Variants in CAT observed in about 807,000 individuals in gnomAD.
The protein encoded by CAT is catalase.
A neutral mutation model predicts 59.0 loss-of-function variants in CAT; 43 were observed. The ratio of observed to expected loss-of-function variants is 0.73; its 90% CI spans 0.57 to 0.94. The LOEUF is 0.94. CAT is among the 40% of genes least tolerant of loss of function. The pLI, the probability that CAT is intolerant of heterozygous loss-of-function variation, is 0.00. For synonymous variants in CAT, 218 were observed against 230.9 expected (o/e 0.94, Z 0.51); for missense variants, 664 against 682.9 (o/e 0.97, Z 0.31).
rs751565206 is a variant in CAT at position 34,456,037 on chromosome 11, T to C, written c.738T>C (p.Ser246=). Residue 246 remains serine (S), a synonymous_variant, in exon 7 of 13, where the codon TCT becomes TCC. Coordinates refer to ENST00000241052, the MANE Select transcript of CAT (RefSeq NM_001752.4). The part of the protein sequence containing the change: ...YKTDQGIKNL[S]VEDAARLSQE... Reference sequence around the variant, plus strand: ...CTGACCAGGGCATCAAAAACCTTTCTGTTGAAGATGCGGCGAGACTTTCCC... The same window carrying C: ...CTGACCAGGGCATCAAAAACCTTTCCGTTGAAGATGCGGCGAGACTTTCCC... The C allele has an allele frequency of 6.2e-7, 1 of 1,614,142 alleles. No individual in the cohort carries two copies. The highest frequency in any genetic ancestry group is 8.5e-7 in the Non-Finnish European group (1 of 1,180,028).
intron 9 of CAT, among the ~76,000 whole-genome samples, chr11:34,461,825 C>G (rs145458612): frequency 3.3e-5 from 5 of 152,156 alleles, no homozygotes; most frequent in African/African-American, 1.2e-4. Flanking sequence ...TTTCTCTTTG[C>G]AGTTCTGCTG....
At chr11:34,461,486 A>G (rs1197576724) in intron 9 of CAT, 97 bp downstream of exon 9, 8 of 1,425,376 alleles carry the variant, frequency 5.6e-6, no homozygotes, top group South Asian at 3.4e-5. Context: ...CTGGCCCCGC[A>G]GGACCTCCTG....
Position 34,453,084 on chromosome 11 carries a change from A to G in CAT, c.481-6A>G, listed in dbSNP as rs377181789. 7 of 1,582,574 alleles carry G rather than the reference A, an allele frequency of 4.4e-6. No homozygotes were observed. The East Asian group carries it at 8.9e-5, about 20-fold the overall frequency. The stretch of plus-strand genomic sequence containing the variant: ...TTGGATTTTTTTCTCTCTTTTTTCT[A>G]TTTAGTTTCCATCTTTTATCCACAG... On this transcript the variant is annotated splice_polypyrimidine_tract_variant and splice_region_variant and intron_variant, in intron 4 of 12. Transcript: ENST00000241052.
chr11:34,465,581 A>C (rs1856705119), intron 10 of CAT, among the ~76,000 whole-genome samples: 1 of 152,208 alleles, frequency 6.6e-6, no homozygotes, highest in Non-Finnish European at 1.5e-5. Flanking sequence ...ATGAAAATTT[A>C]TTATGTGCTC....
chr11:34,455,540 A>G (rs1856578466), intron 6 of CAT, among the ~76,000 whole-genome samples: 1 of 152,032 alleles, frequency 6.6e-6, no homozygotes, highest in African/African-American at 2.4e-5. Flanking sequence ...TTAAAAAAAA[A>G]AAAAAAAGGA....
At chr11:34,445,614 C>G (rs188169593) in intron 1 of CAT, among the ~76,000 whole-genome samples, 40 of 149,466 alleles carry the variant, frequency 2.7e-4, no homozygotes, top group African/African-American at 9.6e-4. Flanking sequence ...TGGTGTGGGG[C>G]AGGGTAGAGA....
In CAT at chr11:34,449,196, C is replaced by G; in HGVS notation, c.71C>G (p.Ala24Gly). 6.2e-7 allele frequency: 1 copy of G among 1,614,032 alleles called. No individual in the cohort carries two copies. The highest frequency in any genetic ancestry group is 8.5e-7 in the Non-Finnish European group (1 of 1,179,874). The change falls in exon 2 of 13, where the codon GCT becomes GGT. Residue 24 changes from alanine (A) to glycine (G), a missense_variant. Physicochemically the swap from Ala to Gly is moderately conservative, Grantham distance 60. Coordinates refer to ENST00000241052, the MANE Select transcript of CAT (RefSeq NM_001752.4). Reference protein sequence around the residue: ...HWKEQRAAQKADVLTTGAGNP... With the variant: ...HWKEQRAAQKGDVLTTGAGNP... Reference sequence around the variant, plus strand: ...TTTCTTTCTGTGTTCCTGTAGAAAGCTGATGTCCTGACCACTGGAGCTGGT... The same window carrying G: ...TTTCTTTCTGTGTTCCTGTAGAAAGGTGATGTCCTGACCACTGGAGCTGGT...
chr11:34,469,101 G>A (rs1300390416), intron 11 of CAT, among the ~76,000 whole-genome samples: 2 of 152,210 alleles, frequency 1.3e-5, no homozygotes, highest in East Asian at 1.9e-4. Flanking sequence ...ATCGAGCTGA[G>A]TGAAGCCCTC....
At chr11:34,453,693 A>G (rs939687415) in intron 5 of CAT, 108 bp from the exon 6 acceptor site, 2 of 989,572 alleles carry the variant, frequency 2.0e-6, no homozygotes, top group Non-Finnish European at 1.6e-6. Flanking sequence ...ATTGGCTAGT[A>G]TGTTTTATGT....
chr11:34,468,183 C>T, intron 10 of CAT, 105 bp from the exon 11 acceptor site: 1 of 868,342 alleles, frequency 1.2e-6, no homozygotes, highest in Non-Finnish European at 2.0e-6. Flanking sequence ...TTCTTAACTT[C>T]TAAAGTTTTT....
At chr11:34,464,360 C>T (rs1856689143) in intron 10 of CAT, 125 bp downstream of exon 10, 1 of 1,016,772 alleles carries the variant, frequency 9.8e-7, no homozygotes, top group Non-Finnish European at 1.5e-6. Flanking sequence ...TCAAGGAAGA[C>T]TCATCTGTAA....
intron 1 of CAT, among the ~76,000 whole-genome samples, chr11:34,446,311 T>A (rs772424763): frequency 2.0e-5 from 3 of 152,218 alleles, no homozygotes; most frequent in Non-Finnish European, 4.4e-5. Flanking sequence ...TTGATCTAAC[T>A]GTTAGAGTGG....
chr11:34,441,981 T>C (rs1856396044), intron 1 of CAT, among the ~76,000 whole-genome samples: 1 of 152,178 alleles, frequency 6.6e-6, no homozygotes, highest in Non-Finnish European at 1.5e-5. Flanking sequence ...TCATCAGCAG[T>C]GTATGGGAGT....
In CAT at chr11:34,456,806, A is replaced by G. The variant is rs1856595990; in HGVS notation, c.1045A>G (p.Lys349Glu). The G allele has an allele frequency of 6.2e-7, 1 of 1,614,100 alleles. No homozygotes were observed. Among genetic ancestry groups the G allele is most frequent in the Non-Finnish European group, 8.5e-7 (1 of 1,180,044 alleles). The change falls in exon 8 of 13, where the codon AAA (lysine) becomes GAA (glutamate). Residue 349 changes from lysine (K) to glutamate (E), a missense_variant. Physicochemically the swap from Lys to Glu is moderately conservative, Grantham distance 56. Transcript: ENST00000241052. ...MPPGIEASPD[K>E]MLQGRLFAYP... ...ACCTGGCATTGAGGCCAGTCCTGACAAAATGCTTCAGGTGAGCCTGGTGGA... is the reference window on the plus strand; with the variant it reads ...ACCTGGCATTGAGGCCAGTCCTGACGAAATGCTTCAGGTGAGCCTGGTGGA...
At chr11:34,448,224 A>G (rs529955815) in intron 1 of CAT, among the ~76,000 whole-genome samples, 1 of 152,274 alleles carries the variant, frequency 6.6e-6, no homozygotes, top group South Asian at 2.1e-4. Context: ...TGGAAATACT[A>G]AAAATAGTGC....
chr11:34,447,389 A>G (rs2284369), intron 1 of CAT, among the ~76,000 whole-genome samples: 34,135 of 151,992 alleles, frequency 0.22, 4,271 homozygotes, highest in East Asian at 0.48. Context: ...TTTCTGGTTC[A>G]TTTTCTACTT....
chr11:34,466,825 A>G (rs373880593), intron 10 of CAT, among the ~76,000 whole-genome samples: 2 of 151,564 alleles, frequency 1.3e-5, no homozygotes, highest in South Asian at 4.2e-4. Context: ...GACTGCTTGA[A>G]GAATTTAGTA....
chr11:34,449,101 A>G (rs1186036529), intron 1 of CAT, 91 bp from the exon 2 acceptor site: 2 of 1,122,834 alleles, frequency 1.8e-6, no homozygotes, highest in East Asian at 2.4e-5. Flanking sequence ...GGCAGATGGT[A>G]TAAACATTGC....
chr11:34,461,316 T>C lies in CAT; in HGVS notation c.1122T>C (p.Pro374=). ...TGGGACCCAATTATCTTCATATACC[T>C]GTGAACTGTCCCTACCGTGCTCGAG... ...HRLGPNYLHI[P]VNCPYRARVA... The change falls in exon 9 of 13, where the codon CCT becomes CCC. Residue 374 remains proline, a synonymous_variant. Coordinates refer to ENST00000241052, the MANE Select transcript of CAT (RefSeq NM_001752.4). The C allele has an allele frequency of 6.2e-7, 1 of 1,614,216 alleles. No individual in the cohort carries two copies. The highest frequency in any genetic ancestry group is 1.1e-5 in the South Asian group (1 of 91,086).
Sources: gnomAD v4.1 joint callset for allele counts (sites outside exome capture counted in the v4.1 genomes callset) on GRCh38, gnomAD v4.1.1 for gene constraint, MANE v1.5 for transcripts, NCBI Gene and HGNC (gene_info 2026-07-23, HGNC 2026-07-21) for gene names.